Variants in DOCK4 observed in about 807,000 individuals in gnomAD.
DOCK4 encodes dedicator of cytokinesis 4.
Under a neutral mutation model 268.1 loss-of-function variants are expected in DOCK4, and 97 were observed. That is an observed-to-expected ratio of 0.36 (90% CI 0.31 to 0.43). The LOEUF (loss-of-function observed/expected upper bound fraction) is 0.43. Among genes scored for constraint, DOCK4 ranks in the 20% least tolerant of loss-of-function variants. DOCK4 has a pLI of 1.00. For missense variants in DOCK4, 2,145 were observed against 2,455.7 expected, an observed-to-expected ratio of 0.87 and a Z score of 2.67; for synonymous variants, 954 against 887.2, an observed-to-expected ratio of 1.08 and a Z score of -1.34.
chr7:111,837,187 A>G (rs1055050793), intron 25 of DOCK4, among the ~76,000 whole-genome samples: 1 of 152,064 alleles, frequency 6.6e-6, no homozygotes, highest in Non-Finnish European at 1.5e-5. Flanking sequence ...ATGAGAAAAG[A>G]TTTCTCTTGG....
In DOCK4 at chr7:111,977,128, G is replaced by A. The variant is rs2135124241; in HGVS notation, c.701+4C>T. 2.5e-6 allele frequency: 4 copies of A among 1,613,018 alleles called. No homozygotes were observed. Among genetic ancestry groups the A allele is most frequent in the Middle Eastern group, 1.7e-4 (1 of 6,060 alleles). Reference sequence around the variant, plus strand: ...ATTGAAACCCTATCTCCACGTGCAGGTACCTGATTGGCCGGTTCTCTTTAC... The same window carrying A: ...ATTGAAACCCTATCTCCACGTGCAGATACCTGATTGGCCGGTTCTCTTTAC... On this transcript the variant is annotated splice_donor_region_variant and intron_variant, in intron 8 of 52. Coordinates refer to ENST00000428084, the MANE Select transcript of DOCK4 (RefSeq NM_001363540.2).
At chr7:111,837,341 CT>C (rs1358898238) in intron 25 of DOCK4, among the ~76,000 whole-genome samples, 5 of 152,114 alleles carry the variant, frequency 3.3e-5, no homozygotes, top group Non-Finnish European at 7.4e-5. Flanking sequence ...AAAATAAAGA[CT>C]TTTCAAACCT....
At chr7:112,101,520 G>A (rs1810675599) in intron 1 of DOCK4, among the ~76,000 whole-genome samples, 1 of 152,190 alleles carries the variant, frequency 6.6e-6, no homozygotes, top group South Asian at 2.1e-4. Flanking sequence ...ATGACCCAGT[G>A]CCAGCTTCCT....
intron 1 of DOCK4, among the ~76,000 whole-genome samples, chr7:112,201,293 C>G (rs184622094): frequency 6.5e-4 from 99 of 152,246 alleles, no homozygotes; most frequent in African/African-American, 2.4e-3. Flanking sequence ...AGTTCAAAAA[C>G]TCCTTCAAGA....
chr7:111,976,269 T>TATATATATATA (rs1491543011), intron 8 of DOCK4, among the ~76,000 whole-genome samples: 1 of 33,138 alleles, frequency 3.0e-5, no homozygotes, highest in Non-Finnish European at 5.3e-5. Flanking sequence ...TGTGTGTCTA[T>TATATATATATA]TATATATATA....
chr7:111,981,581 A>G (rs1052421394), intron 7 of DOCK4, among the ~76,000 whole-genome samples: 5 of 152,220 alleles, frequency 3.3e-5, no homozygotes, highest in African/African-American at 1.2e-4. Context: ...AAAGAAAAGC[A>G]CATGCTCTTC....
intron 1 of DOCK4, among the ~76,000 whole-genome samples, chr7:112,068,060 T>C (rs1336783397): frequency 6.6e-6 from 1 of 151,950 alleles, no homozygotes; most frequent in African/African-American, 2.4e-5. Flanking sequence ...AAAAGAAAAA[T>C]GAATTGAAGA....
chr7:111,876,037 C>T (rs933595226), intron 17 of DOCK4, among the ~76,000 whole-genome samples: 1 of 152,130 alleles, frequency 6.6e-6, no homozygotes, highest in Admixed American at 6.5e-5. Flanking sequence ...TTATTATCTT[C>T]ATAACTTCTA....
At chr7:111,904,914 G>A (rs1463952630) in intron 13 of DOCK4, among the ~76,000 whole-genome samples, 3 of 152,090 alleles carry the variant, frequency 2.0e-5, no homozygotes, top group Non-Finnish European at 2.9e-5. Context: ...CCCCTCATAC[G>A]TATGCTTTAA....
At chr7:112,004,955 G>C (rs759937312) in intron 1 of DOCK4, among the ~76,000 whole-genome samples, 4 of 152,198 alleles carry the variant, frequency 2.6e-5, no homozygotes, top group African/African-American at 9.7e-5. Flanking sequence ...AGGAATTATA[G>C]AGAGAATAAA....
intron 52 of DOCK4, 145 bp from the exon 53 acceptor site, chr7:111,728,865 T>C: frequency 1.4e-6 from 1 of 736,732 alleles, no homozygotes; most frequent in East Asian, 2.7e-5. Flanking sequence ...TTTAAGGAGG[T>C]GATTAAGGTA....
chr7:111,869,318 T>C (rs548205207), intron 21 of DOCK4: 75 of 429,116 alleles, frequency 1.7e-4, no homozygotes, highest in Non-Finnish European at 2.4e-4. Flanking sequence ...CTGCTCATCT[T>C]AGACTTCACT....
At chr7:111,903,159 C>T (rs1050295761) in intron 13 of DOCK4, among the ~76,000 whole-genome samples, 4 of 152,264 alleles carry the variant, frequency 2.6e-5, no homozygotes, top group Admixed American at 6.5e-5. Flanking sequence ...ATACCATGGA[C>T]CATGGGAGAA....
At chr7:111,863,279 G>A in intron 23 of DOCK4, 93 bp downstream of exon 23, 1 of 1,376,724 alleles carries the variant, frequency 7.3e-7, no homozygotes, top group Non-Finnish European at 1.0e-6. Flanking sequence ...GCCTTTTAGT[G>A]TTTTGTTTTT....
chr7:111,932,659 C>A (rs1463289848), intron 12 of DOCK4, among the ~76,000 whole-genome samples: 1 of 151,950 alleles, frequency 6.6e-6, no homozygotes, highest in East Asian at 1.9e-4. Context: ...CCCAATATAT[C>A]CAAAATGTTA....
intron 36 of DOCK4, among the ~76,000 whole-genome samples, chr7:111,775,409 A>G (rs1243324476): frequency 6.6e-6 from 1 of 152,160 alleles, no homozygotes. Flanking sequence ...CATGCATTCC[A>G]CCCTATCTCT....
intron 1 of DOCK4, among the ~76,000 whole-genome samples, chr7:112,031,560 CT>C (rs1803275828): frequency 1.3e-5 from 2 of 152,182 alleles, no homozygotes; most frequent in Admixed American, 1.3e-4. Flanking sequence ...ATTGTGTGCA[CT>C]GATTCCTAAC....
chr7:111,886,373 C>G (rs1448503553), intron 16 of DOCK4, among the ~76,000 whole-genome samples: 1 of 152,110 alleles, frequency 6.6e-6, no homozygotes, highest in African/African-American at 2.4e-5. Flanking sequence ...TCCAGTTTAG[C>G]ATTAAGAATG....
intron 1 of DOCK4, among the ~76,000 whole-genome samples, chr7:112,077,566 G>T (rs1426807808): frequency 6.6e-6 from 1 of 152,058 alleles, no homozygotes; most frequent in South Asian, 2.1e-4. Flanking sequence ...TCATTCATAC[G>T]CATTCCAAAG....
Sources: allele counts gnomAD v4.1 joint callset (sites outside exome capture counted in the v4.1 genomes callset), GRCh38; gene constraint gnomAD v4.1.1; transcripts MANE v1.5; gene names NCBI Gene and HGNC (gene_info 2026-07-23, HGNC 2026-07-21).